KIFC3: variants seen among roughly 807,000 people sequenced by gnomAD.
KIFC3 encodes kinesin-like protein KIFC3.
In KIFC3, 60 loss-of-function variants were observed where a neutral mutation model predicts 101.8. The observed-to-expected ratio is 0.59, with a 90% CI of 0.48 to 0.73. KIFC3 has a LOEUF of 0.73. Among genes scored for constraint, KIFC3 ranks in the 30% least tolerant of loss-of-function variants. KIFC3 has a pLI of 0.00. For synonymous variants in KIFC3, 476 were observed against 482.7 expected, an observed-to-expected ratio of 0.99 and a Z score of 0.18; for missense variants, 966 against 1,137.1, an observed-to-expected ratio of 0.85 and a Z score of 2.16.
At chr16:57,787,669 C>A (rs2053470482) in intron 3 of KIFC3, among the ~76,000 whole-genome samples, 1 of 152,154 alleles carries the variant, frequency 6.6e-6, no homozygotes, top group Non-Finnish European at 1.5e-5. Context: ...CTGGGATCGG[C>A]CTTCCTCTTC....
At chr16:57,798,696 C>T (rs568480349) in intron 1 of KIFC3, 3 of 239,182 alleles carry the variant, frequency 1.3e-5, no homozygotes, top group African/African-American at 7.1e-5. Context: ...ACATGCTTAA[C>T]CCTTAGGCTT....
chr16:57,775,199 G>C, intron 3 of KIFC3: 2 of 1,335,662 alleles, frequency 1.5e-6, no homozygotes, highest in South Asian at 2.0e-5. Flanking sequence ...GGCCGCAACC[G>C]CAACCAGGGC....
intron 1 of KIFC3, chr16:57,815,443 C>G: frequency 1.7e-6 from 2 of 1,187,938 alleles, no homozygotes; most frequent in Non-Finnish European, 2.1e-6. Flanking sequence ...CAAGCATTTT[C>G]CAAAGCCCGA....
intron 1 of KIFC3, among the ~76,000 whole-genome samples, chr16:57,857,830 T>TTCTTTC (rs1398960688): frequency 1.5e-5 from 1 of 64,960 alleles, no homozygotes; most frequent in Non-Finnish European, 4.6e-5. Context: ...TTCTTTTTTT[T>TTCTTTC]TTTTTTTTTT....
chr16:57,829,797 CA>C (rs1555478877), intron 1 of KIFC3, among the ~76,000 whole-genome samples: 1 of 152,172 alleles, frequency 6.6e-6, no homozygotes, highest in African/African-American at 2.4e-5. Flanking sequence ...GGGTCATGGC[CA>C]GACGGCCACT....
Position 57,769,935 on chromosome 16 carries a change from C to G in KIFC3, c.960G>C (p.Glu320Asp). 6.2e-7 allele frequency: 1 copy of G among 1,613,158 alleles called. No individual in the cohort carries two copies. ...LRAQIAMYESELERAHGQMLE... is the reference protein window; with the variant it reads ...LRAQIAMYESDLERAHGQMLE... The stretch of plus-strand genomic sequence containing the variant: ...GCATCTGCCCATGGGCCCGCTCCAG[C>G]TCTGACTCGTACATGGCAATCTGGC... Residue 320 changes from glutamate (E) to aspartate (D), a missense_variant, in exon 8 of 20, where the codon GAG becomes GAC. Around this residue, in one of 2 missense-constraint regions of KIFC3, gnomAD observed 689 missense variants for 884.6 expected, o/e 0.78. Coordinates refer to ENST00000445690, the MANE Select transcript of KIFC3 (RefSeq NM_001130100.2). This position sits in a 1 kb window ranked among gnomAD's most constrained non-coding sequence, Gnocchi z 4.3.
chr16:57,841,692 C>T lies in KIFC3; in HGVS notation c.108+21037G>A, dbSNP rs773996523. Among the ~76,000 whole-genome samples the T allele has an allele frequency of 5.9e-5, 9 of 151,896 alleles. No individual in the cohort carries two copies. In the South Asian group the frequency reaches 1.9e-3, roughly 32 times the overall value. The stretch of plus-strand genomic sequence containing the variant: ...AAACAAAAACAACAACAACAAAACC[C>T]AGAATGAAACCCAAACTCTTTCCCA... On this transcript the variant is annotated intron_variant, in intron 1 of 2. Coordinates refer to the KIFC3 transcript ENST00000563028.
intron 1 of KIFC3, among the ~76,000 whole-genome samples, chr16:57,832,924 C>A (rs1393746564): frequency 1.3e-5 from 2 of 152,052 alleles, no homozygotes; most frequent in Middle Eastern, 3.4e-3. Context: ...AATATATAAG[C>A]CGGCCAGGCT....
chr16:57,768,509 T>TCTCACACACACACA (rs147198668), intron 9 of KIFC3, among the ~76,000 whole-genome samples: 18 of 139,128 alleles, frequency 1.3e-4, no homozygotes, highest in East Asian at 6.1e-4. Flanking sequence ...CCATATATTC[T>TCTCACACACACACA]CACACACACA....
At chr16:57,768,531 A>ACACACACACACACACG (rs2050755124) in intron 9 of KIFC3, among the ~76,000 whole-genome samples, 2 of 151,834 alleles carry the variant, frequency 1.3e-5, no homozygotes, top group Non-Finnish European at 2.9e-5. Context: ...ACACACACAC[A>ACACACACACACACACG]CACACGCACA....
chr16:57,815,539 A>T, intron 1 of KIFC3: 1 of 1,287,248 alleles, frequency 7.8e-7, no homozygotes, highest in Non-Finnish European at 1.0e-6. Flanking sequence ...TTCTACCAGG[A>T]TGCCCTCCAA....
At chr16:57,805,410 G>A (rs1417150112), upstream of KIFC3, among the ~76,000 whole-genome samples, 1 of 152,190 alleles carries the variant, frequency 6.6e-6, no homozygotes, top group Non-Finnish European at 1.5e-5. Flanking sequence ...CCCCGGGAAA[G>A]GTGCAAGTTT....
At chr16:57,845,644 A>G (rs1369563527) in intron 1 of KIFC3, among the ~76,000 whole-genome samples, 1 of 152,104 alleles carries the variant, frequency 6.6e-6, no homozygotes, top group Non-Finnish European at 1.5e-5. Context: ...TTCCTCAAGG[A>G]GACTCTCCCT....
chr16:57,837,972 G>GGCCACACTGGCTTGAA (rs1292199673), intron 1 of KIFC3, among the ~76,000 whole-genome samples: 2 of 152,142 alleles, frequency 1.3e-5, no homozygotes, highest in African/African-American at 2.4e-5. Context: ...ACTCCTGGTG[G>GGCCACACTGGCTTGAA]GCCACACTGG....
chr16:57,852,842 G>A (rs12443728), intron 1 of KIFC3, among the ~76,000 whole-genome samples: 4,829 of 152,218 alleles, frequency 0.032, 114 homozygotes, highest in Middle Eastern at 0.092. Flanking sequence ...GGATCGAATA[G>A]CAATTCTAAG....
At chr16:57,779,470 TAGTC>T (rs2149061756) in intron 3 of KIFC3, 1 of 152,312 alleles carries the variant, frequency 6.6e-6, no homozygotes, top group East Asian at 1.9e-4. Context: ...GATGGTGTAT[TAGTC>T]AGTTTTCACA....
At chr16:57,796,719 C>T (rs1555623148) in intron 2 of KIFC3, among the ~76,000 whole-genome samples, 1 of 152,170 alleles carries the variant, frequency 6.6e-6, no homozygotes, top group East Asian at 1.9e-4. Context: ...GCTGAGATAA[C>T]ACAATATTTC....
chr16:57,852,674 G>A (rs575640907), intron 1 of KIFC3, among the ~76,000 whole-genome samples: 2 of 152,298 alleles, frequency 1.3e-5, no homozygotes, highest in African/African-American at 2.4e-5. Flanking sequence ...TCTTCAACTA[G>A]AAGTCCTATA....
intron 1 of KIFC3, among the ~76,000 whole-genome samples, chr16:57,839,313 G>A (rs953805731): frequency 2.0e-5 from 3 of 152,206 alleles, no homozygotes; most frequent in African/African-American, 7.2e-5. Flanking sequence ...GCCAAGGCGG[G>A]AGGATCCCTT....
Sources: gnomAD v4.1 joint callset for allele counts (sites outside exome capture counted in the v4.1 genomes callset) on GRCh38, gnomAD v4.1.1 for gene constraint, gnomAD v4.1.1 regional missense constraint, Gnocchi (gnomAD v3.1) non-coding constraint, MANE v1.5 for transcripts, NCBI Gene and HGNC (gene_info 2026-07-23, HGNC 2026-07-21) for gene names.